The following JAKMIP2 variants were observed in gnomAD, a reference collection of about 807,000 sequenced individuals.
JAKMIP2 encodes janus kinase and microtubule-interacting protein 2.
JAKMIP2 carries 25 observed loss-of-function variants against 115.0 expected under a neutral mutation model. The observed-to-expected ratio is 0.22, with a 90% CI of 0.16 to 0.30. The LOEUF (loss-of-function observed/expected upper bound fraction) is 0.30, where lower values mean the gene tolerates loss of function less well. Among genes scored for constraint, JAKMIP2 ranks in the 10% least tolerant of loss-of-function variants. The pLI is 1.00. For synonymous variants in JAKMIP2, 334 were observed against 343.6 expected (o/e 0.97, Z 0.31); for missense variants, 642 against 957.6 (o/e 0.67, Z 4.35).
intron 5 of JAKMIP2, among the ~76,000 whole-genome samples, chr5:147,646,188 C>A (rs1256015246): frequency 6.6e-6 from 1 of 152,118 alleles, no homozygotes; most frequent in African/African-American, 2.4e-5. Context: ...TCTCATCTTA[C>A]GATTCTTAAA....
chr5:147,601,872 T>C, intron 20 of JAKMIP2, 61 bp from the exon 21 acceptor site: 1 of 752,228 alleles, frequency 1.3e-6, no homozygotes, highest in East Asian at 2.8e-5. Context: ...ATTCAGGTAG[T>C]ACAAAACCTC....
At chr5:147,761,130 T>G (rs1321991874) in intron 1 of JAKMIP2, among the ~76,000 whole-genome samples, 2 of 152,130 alleles carry the variant, frequency 1.3e-5, no homozygotes, top group Non-Finnish European at 2.9e-5. Context: ...AAGTAACGGA[T>G]TCTCAAAAAT....
chr5:147,689,771 A>T (rs1477739443), intron 1 of JAKMIP2, among the ~76,000 whole-genome samples: 2 of 152,166 alleles, frequency 1.3e-5, no homozygotes, highest in African/African-American at 4.8e-5. Flanking sequence ...GTTACACCAT[A>T]ACTATATGTG....
At chr5:147,719,503 C>G (rs1184785477) in intron 1 of JAKMIP2, among the ~76,000 whole-genome samples, 1 of 151,290 alleles carries the variant, frequency 6.6e-6, no homozygotes, top group Non-Finnish European at 1.5e-5. Flanking sequence ...GTAGGTCACT[C>G]AGGACTTGCT....
In JAKMIP2 at chr5:147,671,917, T is replaced by C. The variant is rs547812173; in HGVS notation, c.-111A>G. On this transcript the variant is annotated 5_prime_UTR_variant, in exon 2 of 22. Coordinates refer to ENST00000616793, the MANE Select transcript of JAKMIP2 (RefSeq NM_001270941.2). ...TGTCTCAGCATCTACTGTGTGGTGC[T>C]CCTTGGTAAGGTCTCCTCAATCGCT... 2.2e-6 allele frequency: 3 copies of C among 1,357,806 alleles called. No homozygotes were observed. The South Asian group carries it at 6.3e-5, about 29-fold the overall frequency. 84.1% of individuals were successfully genotyped at this position (1,357,806 alleles called of 1,614,324 possible).
intron 1 of JAKMIP2, among the ~76,000 whole-genome samples, chr5:147,772,749 TCAGA>T (rs1168304875): frequency 3.3e-5 from 5 of 152,048 alleles, no homozygotes; most frequent in Admixed American, 6.6e-5. Context: ...TGCTACATAA[TCAGA>T]CAGACTTTAT....
At chr5:147,721,743 G>A (rs953042335) in intron 1 of JAKMIP2, among the ~76,000 whole-genome samples, 8 of 152,072 alleles carry the variant, frequency 5.3e-5, no homozygotes, top group Non-Finnish European at 7.4e-5. Context: ...ACCTGCGCCT[G>A]CTGTCTGGCA....
intron 3 of JAKMIP2, chr5:147,660,398 A>G (rs903672885): frequency 6.9e-6 from 3 of 435,210 alleles, no homozygotes; most frequent in African/African-American, 6.1e-5. Context: ...TACTTTGGGA[A>G]AAATATCTAT....
chr5:147,774,131 T>C (rs1325636107), intron 1 of JAKMIP2, among the ~76,000 whole-genome samples: 8 of 152,188 alleles, frequency 5.3e-5, no homozygotes, highest in Non-Finnish European at 4.4e-5. Context: ...ACCTGTTTTA[T>C]AGTTAATTAA....
intron 21 of JAKMIP2, chr5:147,594,319 T>A (rs959250909): frequency 8.7e-6 from 3 of 343,698 alleles, no homozygotes; most frequent in Admixed American, 8.4e-5. Context: ...TTTGAGACTT[T>A]ACTGCATGCT....
chr5:147,739,385 A>C (rs900089396), intron 1 of JAKMIP2, among the ~76,000 whole-genome samples: 2 of 152,104 alleles, frequency 1.3e-5, no homozygotes, highest in African/African-American at 4.8e-5. Flanking sequence ...GGGGTGTTTT[A>C]ACTTATGCCC....
At chr5:147,614,781 T>C (rs1221967043) in intron 19 of JAKMIP2, among the ~76,000 whole-genome samples, 1 of 152,232 alleles carries the variant, frequency 6.6e-6, no homozygotes, top group Non-Finnish European at 1.5e-5. Flanking sequence ...TCTCCTCCTA[T>C]CAACCTCACT....
chr5:147,705,004 T>A (rs1752508994), intron 1 of JAKMIP2, among the ~76,000 whole-genome samples: 1 of 152,186 alleles, frequency 6.6e-6, no homozygotes, highest in South Asian at 2.1e-4. Context: ...GCCAGGATAA[T>A]TTTATCTCAT....
chr5:147,589,624 A>C lies in JAKMIP2; in HGVS notation c.*2083T>G, dbSNP rs1179164951. The C allele has an allele frequency of 6.6e-6, 1 of 152,188 alleles. No homozygotes were observed. Among genetic ancestry groups the C allele is most frequent in the African/African-American group, 2.4e-5 (1 of 41,448 alleles). The allele number at this position is 152,188 out of a possible 1,614,324, so 9.4% of individuals were successfully genotyped here. ...TCCTGTGGTAAAAGTGGGGTTCTGTATGATGGCATGCATATGCAATCAAGA... is the reference window on the plus strand; with the variant it reads ...TCCTGTGGTAAAAGTGGGGTTCTGTCTGATGGCATGCATATGCAATCAAGA... On this transcript the variant is annotated 3_prime_UTR_variant, in exon 22 of 22. Transcript: ENST00000616793.
intron 1 of JAKMIP2, among the ~76,000 whole-genome samples, chr5:147,724,039 A>G (rs1753420225): frequency 1.3e-5 from 2 of 152,218 alleles, no homozygotes; most frequent in African/African-American, 4.8e-5. Context: ...TCACTTAACC[A>G]GACACTTCAG....
intron 20 of JAKMIP2, among the ~76,000 whole-genome samples, chr5:147,610,181 T>C (rs1756239630): frequency 6.6e-6 from 1 of 152,206 alleles, no homozygotes; most frequent in East Asian, 1.9e-4. Context: ...CCTACTTCTG[T>C]CAATTCGTCA....
chr5:147,641,820 T>G, intron 7 of JAKMIP2, 56 bp from the exon 8 acceptor site: 1 of 1,402,500 alleles, frequency 7.1e-7, no homozygotes, highest in South Asian at 1.2e-5. Flanking sequence ...TTCTTTATAG[T>G]TTTTTGCAAA....
At chr5:147,729,987 T>C (rs954258945) in intron 1 of JAKMIP2, among the ~76,000 whole-genome samples, 6 of 152,128 alleles carry the variant, frequency 3.9e-5, no homozygotes, top group African/African-American at 1.4e-4. Flanking sequence ...TAAACCTCAC[T>C]TTCCTATCTG....
chr5:147,745,829 A>G (rs1754329227), intron 1 of JAKMIP2, among the ~76,000 whole-genome samples: 1 of 152,112 alleles, frequency 6.6e-6, no homozygotes, highest in Admixed American at 6.5e-5. Context: ...TTGTACTTTT[A>G]CTTTGTCAGA....
Sources: gnomAD v4.1 joint callset for allele counts (sites outside exome capture counted in the v4.1 genomes callset) on GRCh38, gnomAD v4.1.1 for gene constraint, MANE v1.5 for transcripts, NCBI Gene and HGNC (gene_info 2026-07-23, HGNC 2026-07-21) for gene names.